The following PLA2G4C variants were observed in gnomAD, a reference collection of about 807,000 sequenced individuals.
PLA2G4C encodes cytosolic phospholipase A2 gamma.
A neutral mutation model predicts 73.8 loss-of-function variants in PLA2G4C; 64 were observed. The ratio of observed to expected loss-of-function variants is 0.87; its 90% confidence interval spans 0.71 to 1.07. The LOEUF (loss-of-function observed/expected upper bound fraction) is 1.07, where lower values mean the gene tolerates loss of function less well. PLA2G4C is among the 50% of genes least tolerant of loss of function. The probability of loss-of-function intolerance (pLI) is 0.00; values close to 1 mark genes in which losing one functional copy is unlikely to be tolerated. For missense variants in PLA2G4C, 622 were observed against 665.4 expected (o/e 0.93, Z 0.72); for synonymous variants, 254 against 252.1 (o/e 1.01, Z -0.07).
chr19:48,109,370 C>A (rs890403698), intron 1 of PLA2G4C, among the ~76,000 whole-genome samples: 1 of 152,078 alleles, frequency 6.6e-6, no homozygotes, highest in Non-Finnish European at 1.5e-5. Flanking sequence ...CTCCTGGGCT[C>A]AAGCGAGCCT....
chr19:48,048,294 G>A lies in PLA2G4C; in HGVS notation c.*49C>T. 5 of 1,477,142 alleles carry A rather than the reference G, an allele frequency of 3.4e-6. No homozygotes were observed. The highest frequency in any genetic ancestry group is 2.8e-6 in the Non-Finnish European group (3 of 1,072,244). The allele number at this position is 1,477,142 out of a possible 1,614,324, so 91.5% of individuals were successfully genotyped here. ...AACAGGAAGGCCAGGTGGACATCAG[G>A]GCCCTAGTAGACCAACAGGCCCACA... On this transcript the variant is annotated 3_prime_UTR_variant, in exon 17 of 17. Transcript: ENST00000599921.
At position 48,095,028 on chromosome 19, in the gene PLA2G4C, C is replaced by T. The variant is rs113962486; in HGVS notation, c.709+436G>A. Among the ~76,000 whole-genome samples, 220 of 152,260 alleles carry T rather than the reference C, an allele frequency of 1.4e-3. 3 individuals are homozygous for T. The highest frequency in any genetic ancestry group is 5.1e-3 in the African/African-American group (212 of 41,548). On this transcript the variant is annotated intron_variant, in intron 7 of 16. Transcript: ENST00000599921. Reference sequence around the variant, plus strand: ...TCAGCCTCCTGAGTAGCTGGGACCACAGGCACATGCCACAATGCCTGGCTA... The same window carrying T: ...TCAGCCTCCTGAGTAGCTGGGACCATAGGCACATGCCACAATGCCTGGCTA...
At chr19:48,051,164 C>T (rs1967710068) in intron 16 of PLA2G4C, among the ~76,000 whole-genome samples, 1 of 152,108 alleles carries the variant, frequency 6.6e-6, no homozygotes, top group Non-Finnish European at 1.5e-5. Context: ...GAAGGAGGGG[C>T]CATGAGCCAA....
At chr19:48,060,892 C>T (rs1297243000) in intron 14 of PLA2G4C, among the ~76,000 whole-genome samples, 1 of 151,928 alleles carries the variant, frequency 6.6e-6, no homozygotes, top group Admixed American at 6.6e-5. Context: ...TTACATTACA[C>T]ATAAATATAA....
In PLA2G4C at chr19:48,062,238, A is replaced by G; in HGVS notation, c.1103-86T>C. 20 of 1,191,540 alleles carry G rather than the reference A, an allele frequency of 1.7e-5. 1 individual carries two copies. The South Asian group carries it at 3.2e-4, about 19-fold the overall frequency. 73.8% of individuals were successfully genotyped at this position (1,191,540 alleles called of 1,614,324 possible). On this transcript the variant is annotated intron_variant, in intron 13 of 16. Transcript: ENST00000599921. ...AATGGAAGGCAGAGAGGGGGATGGGAAAATGATCGTTGTCAGTGTAGACAG... is the reference window on the plus strand; with the variant it reads ...AATGGAAGGCAGAGAGGGGGATGGGGAAATGATCGTTGTCAGTGTAGACAG...
At chr19:48,050,672 A>AATTTTTTTTTTTTTT in intron 16 of PLA2G4C, among the ~76,000 whole-genome samples, 1 of 24,274 alleles carries the variant, frequency 4.1e-5, no homozygotes, top group African/African-American at 9.5e-5. Flanking sequence ...TGAGTATGTG[A>AATTTTTTTTTTTTTT]CTTTTTTTTT....
chr19:48,064,878 C>T (rs1476982187), intron 13 of PLA2G4C: 3 of 152,222 alleles, frequency 2.0e-5, no homozygotes, highest in African/African-American at 7.2e-5. Flanking sequence ...ACTCACCCCA[C>T]AGACAACTTG....
intron 14 of PLA2G4C, among the ~76,000 whole-genome samples, chr19:48,060,078 T>C (rs1968112329): frequency 6.6e-6 from 1 of 151,962 alleles, no homozygotes; most frequent in African/African-American, 2.4e-5. Context: ...TGGGCTTCCC[T>C]ACTTTTGAGG....
intron 7 of PLA2G4C, among the ~76,000 whole-genome samples, chr19:48,093,946 C>G (rs2031442524): frequency 6.6e-6 from 1 of 152,150 alleles, no homozygotes; most frequent in Non-Finnish European, 1.5e-5. Context: ...GTTCTTTCTT[C>G]CCTTTCACCT....
chr19:48,050,671 GAC>G (rs1967689906), intron 16 of PLA2G4C, among the ~76,000 whole-genome samples: 1 of 33,366 alleles, frequency 3.0e-5, no homozygotes, highest in Admixed American at 4.6e-4. Flanking sequence ...GTGAGTATGT[GAC>G]TTTTTTTTTT....
chr19:48,069,845 A>C (rs1156677651), intron 12 of PLA2G4C, among the ~76,000 whole-genome samples: 1 of 151,882 alleles, frequency 6.6e-6, no homozygotes, highest in Non-Finnish European at 1.5e-5. Flanking sequence ...GCTCACTGCA[A>C]CCTCCGCCTC....
chr19:48,053,877 C>G (rs1967825696), intron 15 of PLA2G4C, among the ~76,000 whole-genome samples: 1 of 152,170 alleles, frequency 6.6e-6, no homozygotes, highest in South Asian at 2.1e-4. Flanking sequence ...CCCGGAGGAC[C>G]ACCCATCCTG....
At chr19:48,054,014 C>T (rs1054788546) in intron 15 of PLA2G4C, among the ~76,000 whole-genome samples, 9 of 152,148 alleles carry the variant, frequency 5.9e-5, no homozygotes, top group Admixed American at 5.9e-4. Flanking sequence ...CATGCATAAA[C>T]ATGCAAGACC....
chr19:48,066,984 C>CACACAT (rs989590030), intron 13 of PLA2G4C, among the ~76,000 whole-genome samples: 2 of 151,772 alleles, frequency 1.3e-5, no homozygotes, highest in Non-Finnish European at 2.9e-5. Flanking sequence ...CACACACACA[C>CACACAT]ACACATACAC....
intron 7 of PLA2G4C, 152 bp from the exon 8 acceptor site, chr19:48,090,569 A>C: frequency 1.5e-6 from 1 of 656,436 alleles, no homozygotes; most frequent in Non-Finnish European, 2.7e-6. Flanking sequence ...TTTATGAAGC[A>C]ATTAGTGGGC....
Position 48,072,694 on chromosome 19 carries a change from T to C in PLA2G4C, c.1006+2073A>G, listed in dbSNP as rs1453238814. The C allele has an allele frequency of 6.6e-6, 1 of 152,166 alleles. No homozygotes were observed. Among genetic ancestry groups the C allele is most frequent in the Admixed American group, 6.6e-5 (1 of 15,266 alleles). 9.4% of individuals were successfully genotyped at this position (152,166 alleles called of 1,614,324 possible). ...ATTGTAGACAAAGGAAACCAGAGAA[T>C]AGACTGATTTCATCCAACAGAGATA... On this transcript the variant is annotated intron_variant, in intron 12 of 16. Coordinates refer to ENST00000599921, the MANE Select transcript of PLA2G4C (RefSeq NM_003706.3). The surrounding 1 kb of genome is among the most constrained non-coding windows in gnomAD (Gnocchi z 4.4).
intron 4 of PLA2G4C, among the ~76,000 whole-genome samples, chr19:48,101,497 C>G (rs188402719): frequency 1.9e-3 from 282 of 152,038 alleles, no homozygotes; most frequent in Non-Finnish European, 5.9e-4. Context: ...TCACACCATC[C>G]AATGTATTAA....
intron 6 of PLA2G4C, chr19:48,097,051 A>T (rs1369515744): frequency 6.7e-6 from 1 of 149,904 alleles, no homozygotes; most frequent in African/African-American, 2.5e-5. Flanking sequence ...GCTACTCGGG[A>T]GGCTGGGGCA....
chr19:48,055,416 T>TATATATATA (rs1178938999), intron 14 of PLA2G4C, among the ~76,000 whole-genome samples: 1 of 149,410 alleles, frequency 6.7e-6, no homozygotes, highest in African/African-American at 2.5e-5. Context: ...TATATTTCAA[T>TATATATATA]TAGCCAGGCA....
Sources: gnomAD v4.1 joint callset for allele counts (sites outside exome capture counted in the v4.1 genomes callset) on GRCh38, gnomAD v4.1.1 for gene constraint, Gnocchi (gnomAD v3.1) non-coding constraint, MANE v1.5 for transcripts, NCBI Gene and HGNC (gene_info 2026-07-23, HGNC 2026-07-21) for gene names.